The following MACF1 variants were observed in gnomAD, a reference collection of about 807,000 sequenced individuals.
MACF1 encodes the protein microtubule actin crosslinking factor 1, also known as microtubule-actin cross-linking factor 1.
Under a neutral mutation model 854.8 loss-of-function variants are expected in MACF1, and 193 were observed. The observed-to-expected ratio is 0.23, with a 90% confidence interval of 0.20 to 0.25. The LOEUF (loss-of-function observed/expected upper bound fraction) is 0.25, where lower values mean the gene tolerates loss of function less well. Among genes scored for constraint, MACF1 ranks in the 10% least tolerant of loss-of-function variants. MACF1 has a pLI of 1.00. For synonymous variants in MACF1, 3,185 were observed against 3,226.7 expected (o/e 0.99, Z 0.44); for missense variants, 7,722 against 8,929.1 (o/e 0.86, Z 5.45).
intron 80 of MACF1, among the ~76,000 whole-genome samples, chr1:39,446,281 T>C (rs1201386101): frequency 6.6e-6 from 1 of 150,624 alleles, no homozygotes; most frequent in East Asian, 1.9e-4. Flanking sequence ...AGATATAAAT[T>C]AGATATAAAA....
intron 2 of MACF1, among the ~76,000 whole-genome samples, chr1:39,110,230 C>CTT (rs5773651): frequency 0.034 from 2,889 of 84,482 alleles, 166 homozygotes; most frequent in Middle Eastern, 0.11. Context: ...GGATGTTGTT[C>CTT]TTTTTTTTTT....
At chr1:39,324,619 C>T (rs756897793) in intron 34 of MACF1, 27 bp from the exon 35 acceptor site, 2 of 1,560,650 alleles carry the variant, frequency 1.3e-6, no homozygotes, top group African/African-American at 2.8e-5. Context: ...GGTTTTGAAG[C>T]TTTTTCTCTT....
intron 52 of MACF1, among the ~76,000 whole-genome samples, chr1:39,373,639 G>C (rs1649450030): frequency 6.6e-6 from 1 of 151,372 alleles, no homozygotes; most frequent in East Asian, 2.0e-4. Flanking sequence ...GATCACTTGA[G>C]GTCGGGAGTT....
chr1:39,410,708 T>C, intron 58 of MACF1: 1 of 1,613,868 alleles, frequency 6.2e-7, no homozygotes, highest in East Asian at 2.2e-5. Context: ...GCAGAGAGGA[T>C]AGAAGCTTCT....
Position 39,443,529 on chromosome 1 carries a change from A to C in MACF1, c.19386A>C (p.Thr6462=). The C allele has an allele frequency of 1.2e-6, 2 of 1,613,730 alleles. No individual in the cohort carries two copies. Among genetic ancestry groups the C allele is most frequent in the Non-Finnish European group, 1.7e-6 (2 of 1,179,890 alleles). The change falls in exon 79 of 101, where the codon ACA becomes ACC. Residue 6462 remains threonine (T), a synonymous_variant. Transcript: ENST00000564288. ...MESQLSASKP[T]GGLPETAREQ... is the part of the protein sequence containing the mutation. ...GCCAGCTTTCTGCATCTAAGCCCAC[A>C]GGAGGACTTCCTGAAACTGCTAGGG...
Position 39,365,865 on chromosome 1 carries a change from G to A in MACF1, c.12772-2283G>A, listed in dbSNP as rs190801256. The stretch of plus-strand genomic sequence containing the variant: ...TAATTTTTGTATTTTTAGCAGAGAC[G>A]GGGTTTCACCATGTTGGCCAGGCTG... On this transcript the variant is annotated intron_variant, in intron 49 of 100. Coordinates refer to ENST00000564288, the MANE Select transcript of MACF1 (RefSeq NM_001394062.1). 1.5e-3 allele frequency among the ~76,000 whole-genome samples: 228 copies of A among 151,956 alleles called. 2 individuals are homozygous for A. Among genetic ancestry groups the A allele is most frequent in the African/African-American group, 5.1e-3 (212 of 41,458 alleles).
At chr1:39,161,075 G>T (rs1029689009) in intron 2 of MACF1, among the ~76,000 whole-genome samples, 1 of 152,082 alleles carries the variant, frequency 6.6e-6, no homozygotes, top group Non-Finnish European at 1.5e-5. Flanking sequence ...ATGAATTTTT[G>T]GTGTTTTGAT....
At chr1:39,302,666 A>G (rs1047510321) in intron 22 of MACF1, among the ~76,000 whole-genome samples, 2 of 152,200 alleles carry the variant, frequency 1.3e-5, no homozygotes, top group African/African-American at 4.8e-5. Flanking sequence ...TAACTTTCAT[A>G]GTCTGGGTTA....
chr1:39,135,077 A>C (rs1483191962), intron 2 of MACF1, among the ~76,000 whole-genome samples: 2 of 152,310 alleles, frequency 1.3e-5, no homozygotes, highest in South Asian at 4.1e-4. Flanking sequence ...ATGTAGCATA[A>C]TGTCCTCAAG....
chr1:39,461,555 A>G (rs917316455), intron 92 of MACF1, among the ~76,000 whole-genome samples: 1 of 152,092 alleles, frequency 6.6e-6, no homozygotes, highest in African/African-American at 2.4e-5. Flanking sequence ...TTGGGAGGCC[A>G]AGATGGGTGG....
At chr1:39,192,322 C>A (rs1306025941) in intron 2 of MACF1, among the ~76,000 whole-genome samples, 1 of 152,060 alleles carries the variant, frequency 6.6e-6, no homozygotes, top group African/African-American at 2.4e-5. Context: ...AGTGAGTCAC[C>A]TCGGGGAATG....
intron 60 of MACF1, among the ~76,000 whole-genome samples, 183 bp downstream of exon 60, chr1:39,423,083 A>G (rs768226749): frequency 2.6e-5 from 4 of 152,226 alleles, no homozygotes; most frequent in Non-Finnish European, 5.9e-5. Context: ...TTACTGTGGC[A>G]TATATTAGAC....
At chr1:39,251,740 T>G in intron 3 of MACF1, 106 bp from the exon 4 acceptor site, 2 of 547,518 alleles carry the variant, frequency 3.7e-6, no homozygotes, top group Non-Finnish European at 5.7e-6. Flanking sequence ...GGTATTTTCA[T>G]ATTTGTTTTT....
chr1:39,096,561 C>T (rs1006347646), intron 2 of MACF1, among the ~76,000 whole-genome samples: 1 of 148,430 alleles, frequency 6.7e-6, no homozygotes, highest in African/African-American at 2.5e-5. Flanking sequence ...TGCACTCCAG[C>T]CTTGGTGACA....
chr1:39,386,120 G>C (rs1438675418), intron 57 of MACF1, among the ~76,000 whole-genome samples, 191 bp downstream of exon 57: 1 of 152,080 alleles, frequency 6.6e-6, no homozygotes, highest in Non-Finnish European at 1.5e-5. Context: ...ACTTAAAAAT[G>C]TGAAGGTTTA....
intron 2 of MACF1, among the ~76,000 whole-genome samples, chr1:39,248,063 G>A (rs1202430912): frequency 6.6e-6 from 1 of 152,076 alleles, no homozygotes; most frequent in Non-Finnish European, 1.5e-5. Flanking sequence ...CTATTTTCCA[G>A]TTCATCATGA....
At chr1:39,485,112 G>A (rs898553235) in intron 100 of MACF1, 3 of 328,716 alleles carry the variant, frequency 9.1e-6, no homozygotes, top group Non-Finnish European at 1.7e-5. Context: ...GAAAGGCAGG[G>A]GAAGATCACA....
Position 39,333,828 on chromosome 1 carries a change from C to T in MACF1, c.7240C>T (p.Leu2414=), listed in dbSNP as rs1440068058. 6.2e-6 allele frequency: 10 copies of T among 1,614,060 alleles called. No individual in the cohort carries two copies. The highest frequency in any genetic ancestry group is 3.3e-5 in the Admixed American group (2 of 60,002). The change falls in exon 37 of 101, where the codon CTG becomes TTG. Residue 2414 remains leucine, a synonymous_variant. Coordinates refer to ENST00000564288, the MANE Select transcript of MACF1 (RefSeq NM_001394062.1). ...GGTGGTGACTGGTGGAATTATTGAT[C>T]TGAAACGAGGCAAAAAAGTTTCAGT... ...RQVVTGGIID[L]KRGKKVSVTL... is the part of the protein sequence containing the mutation.
chr1:39,118,816 TC>T (rs1377746868), intron 2 of MACF1, among the ~76,000 whole-genome samples: 1 of 152,170 alleles, frequency 6.6e-6, no homozygotes, highest in Non-Finnish European at 1.5e-5. Context: ...GTTAGTTACT[TC>T]ACTTTGCCTT....
Sources: gnomAD v4.1 joint callset for allele counts (sites outside exome capture counted in the v4.1 genomes callset) on GRCh38, gnomAD v4.1.1 for gene constraint, MANE v1.5 for transcripts, NCBI Gene and HGNC (gene_info 2026-07-23, HGNC 2026-07-21) for gene names.